Variants in SOX6 observed in about 807,000 individuals in gnomAD.
SOX6 encodes transcription factor SOX-6.
SOX6 carries 11 observed loss-of-function variants against 97.8 expected under a neutral mutation model. The ratio of observed to expected loss-of-function variants is 0.11; its 90% CI spans 0.07 to 0.19. The LOEUF is 0.19. Ranked by LOEUF, SOX6 falls within the 10% of genes least tolerant of loss-of-function variation. The probability of loss-of-function intolerance (pLI) is 1.00; values close to 1 mark genes in which losing one functional copy is unlikely to be tolerated. For synonymous variants in SOX6, 360 were observed against 371.4 expected, an observed-to-expected ratio of 0.97 and a Z score of 0.35; for missense variants, 810 against 1,039.5, an observed-to-expected ratio of 0.78 and a Z score of 3.04.
chr11:16,210,689 C>G (rs183364845), intron 4 of SOX6, among the ~76,000 whole-genome samples: 3 of 152,314 alleles, frequency 2.0e-5, no homozygotes, highest in Non-Finnish European at 2.9e-5. Flanking sequence ...ACAGCCTTCT[C>G]TCACACTCAC....
At chr11:16,119,125 G>A (rs1849426412) in intron 6 of SOX6, among the ~76,000 whole-genome samples, 1 of 152,110 alleles carries the variant, frequency 6.6e-6, no homozygotes, top group African/African-American at 2.4e-5. Context: ...TTTGCATAAA[G>A]TATTACCACT....
At chr11:16,297,113 TGA>T (rs936270383) in intron 3 of SOX6, among the ~76,000 whole-genome samples, 1 of 152,142 alleles carries the variant, frequency 6.6e-6, no homozygotes, top group African/African-American at 2.4e-5. Flanking sequence ...TTAAAGCAGA[TGA>T]GAGAGAATGC....
At chr11:16,139,772 T>C (rs1850078465) in intron 6 of SOX6, among the ~76,000 whole-genome samples, 1 of 151,990 alleles carries the variant, frequency 6.6e-6, no homozygotes. Flanking sequence ...TATTTAGATG[T>C]ATTATACATA....
At chr11:16,111,705 A>G in intron 7 of SOX6, 98 bp downstream of exon 7, 7 of 1,462,580 alleles carry the variant, frequency 4.8e-6, no homozygotes, top group Middle Eastern at 2.4e-4. Context: ...ATTTTTATTC[A>G]TAGTTCCCTG....
chr11:16,257,759 A>C (rs775997531), intron 3 of SOX6, among the ~76,000 whole-genome samples: 12 of 151,950 alleles, frequency 7.9e-5, no homozygotes, highest in Non-Finnish European at 1.8e-4. Flanking sequence ...TGTTAAGATA[A>C]TGAAAAAACA....
intron 3 of SOX6, among the ~76,000 whole-genome samples, chr11:16,691,018 C>T (rs962327962): frequency 6.6e-6 from 1 of 152,202 alleles, no homozygotes; most frequent in South Asian, 2.1e-4. Flanking sequence ...ATAGGGGAAA[C>T]TACGAGTCCT....
At chr11:16,176,070 CGGATGGATGGATGGATGGAT>C (rs71826187) in intron 6 of SOX6, among the ~76,000 whole-genome samples, 7 of 148,304 alleles carry the variant, frequency 4.7e-5, no homozygotes, top group African/African-American at 1.7e-4. Context: ...GACGGACGGA[CGGATGGATGGATGGATGGAT>C]GGATGGATGG....
At chr11:16,158,414 T>C (rs1850657287) in intron 6 of SOX6, among the ~76,000 whole-genome samples, 1 of 152,024 alleles carries the variant, frequency 6.6e-6, no homozygotes. Flanking sequence ...ACAACAACAA[T>C]TAGTGAATCT....
intron 4 of SOX6, among the ~76,000 whole-genome samples, chr11:16,591,936 A>T (rs1443438208): frequency 6.6e-6 from 1 of 152,138 alleles, no homozygotes; most frequent in Admixed American, 6.5e-5. Context: ...TCAGATCTTT[A>T]AATTGCTTCA....
intron 3 of SOX6, among the ~76,000 whole-genome samples, chr11:16,636,453 T>G (rs1242614304): frequency 6.6e-6 from 1 of 152,216 alleles, no homozygotes; most frequent in African/African-American, 2.4e-5. Flanking sequence ...AACTTGCTTT[T>G]GATTTTACAG....
At chr11:16,478,968 G>A (rs946795402), upstream of SOX6, among the ~76,000 whole-genome samples, 1 of 152,100 alleles carries the variant, frequency 6.6e-6, no homozygotes, top group Non-Finnish European at 1.5e-5. Flanking sequence ...GATTGTTCCA[G>A]TTCTCTATTT....
At chr11:16,277,066 T>G (rs1590085174) in intron 3 of SOX6, among the ~76,000 whole-genome samples, 1 of 152,166 alleles carries the variant, frequency 6.6e-6, no homozygotes, top group South Asian at 2.1e-4. Flanking sequence ...TGTTAAACAT[T>G]GTCACCGAAG....
At chr11:16,241,918 G>C (rs1011406423) in intron 3 of SOX6, among the ~76,000 whole-genome samples, 3 of 151,988 alleles carry the variant, frequency 2.0e-5, no homozygotes, top group Non-Finnish European at 4.4e-5. Context: ...TCCCAAAATA[G>C]ATAAAACAGA....
chr11:16,059,470 T>C (rs1333744205), intron 9 of SOX6, among the ~76,000 whole-genome samples: 1 of 151,978 alleles, frequency 6.6e-6, no homozygotes, highest in Non-Finnish European at 1.5e-5. Context: ...GGTTTGAATG[T>C]AATTTCCAGC....
At chr11:16,502,736 T>G (rs1860727281) in intron 4 of SOX6, among the ~76,000 whole-genome samples, 1 of 152,160 alleles carries the variant, frequency 6.6e-6, no homozygotes, top group South Asian at 2.1e-4. Flanking sequence ...TAAAGTGACC[T>G]AATATTCAAA....
chr11:16,657,208 T>A (rs1374310313), intron 3 of SOX6, among the ~76,000 whole-genome samples: 1 of 152,244 alleles, frequency 6.6e-6, no homozygotes, highest in South Asian at 2.1e-4. Flanking sequence ...GTTGGAATCA[T>A]AAAGTCTTTG....
intron 3 of SOX6, among the ~76,000 whole-genome samples, chr11:16,614,486 C>CT (rs1393348851): frequency 1.3e-5 from 2 of 152,172 alleles, no homozygotes; most frequent in Non-Finnish European, 2.9e-5. Context: ...TTCTGAGTGT[C>CT]TAACAATGGA....
intron 4 of SOX6, among the ~76,000 whole-genome samples, chr11:16,485,622 T>G (rs2133127930): frequency 6.6e-6 from 1 of 150,870 alleles, no homozygotes; most frequent in East Asian, 2.0e-4. Flanking sequence ...TCCCAGCTAC[T>G]CGGGAGGCTG....
intron 4 of SOX6, among the ~76,000 whole-genome samples, chr11:16,502,251 G>C (rs943389014): frequency 6.6e-6 from 1 of 152,138 alleles, no homozygotes; most frequent in African/African-American, 2.4e-5. Context: ...TCATAGGTGG[G>C]AATTGAACAA....
Sources: gnomAD v4.1 joint callset for allele counts (sites outside exome capture counted in the v4.1 genomes callset) on GRCh38, gnomAD v4.1.1 for gene constraint, MANE v1.5 for transcripts, NCBI Gene and HGNC (gene_info 2026-07-23, HGNC 2026-07-21) for gene names.